METTL15: variants seen among roughly 807,000 people sequenced by gnomAD.
The protein encoded by METTL15 is methyltransferase 15, mitochondrial 12S rRNA N4-cytidine, also known as 12S rRNA N(4)-cytidine methyltransferase METTL15.
METTL15 carries 34 observed loss-of-function variants against 38.3 expected under a neutral mutation model. The ratio of observed to expected loss-of-function variants is 0.89; its 90% CI spans 0.68 to 1.18. METTL15 has a LOEUF of 1.18. Among genes scored for constraint, METTL15 ranks in the 50% most tolerant of loss-of-function variants. METTL15 has a pLI of 0.00. For missense variants in METTL15, 438 were observed against 498.4 expected (o/e 0.88, Z 1.15); for synonymous variants, 162 against 170.9 (o/e 0.95, Z 0.41).
intron 4 of METTL15, among the ~76,000 whole-genome samples, chr11:28,274,351 A>G (rs1225752676): frequency 1.3e-5 from 2 of 152,024 alleles, no homozygotes; most frequent in Non-Finnish European, 2.9e-5. Context: ...TTATGTAATA[A>G]CTACAGAGTT....
intron 4 of METTL15, among the ~76,000 whole-genome samples, chr11:28,221,496 A>G (rs545839809): frequency 6.6e-6 from 1 of 151,924 alleles, no homozygotes; most frequent in African/African-American, 2.4e-5. Flanking sequence ...CTTCTTTGCC[A>G]TGGGTTTGTA....
chr11:28,320,615 G>A (rs1017370901), intron 6 of METTL15, among the ~76,000 whole-genome samples: 10 of 152,008 alleles, frequency 6.6e-5, no homozygotes, highest in Admixed American at 2.6e-4. Context: ...ACTAGGCACA[G>A]GAGTAAGAAA....
chr11:28,377,855 T>C (rs1227063325), intron 5 of METTL15, among the ~76,000 whole-genome samples: 1 of 151,728 alleles, frequency 6.6e-6, no homozygotes, highest in Non-Finnish European at 1.5e-5. Context: ...CCTTTCTGTT[T>C]GTTAGTTTTC....
At chr11:28,518,131 T>C (rs1023423935) in intron 6 of METTL15, among the ~76,000 whole-genome samples, 2 of 151,812 alleles carry the variant, frequency 1.3e-5, no homozygotes, top group Non-Finnish European at 2.9e-5. Flanking sequence ...AATAGCAAAA[T>C]GAAAGCCAAA....
At chr11:28,156,377 G>T (rs1335059039) in intron 3 of METTL15, among the ~76,000 whole-genome samples, 1 of 152,078 alleles carries the variant, frequency 6.6e-6, no homozygotes, top group Non-Finnish European at 1.5e-5. Flanking sequence ...ATGTTTTTGA[G>T]ACTTCAACAT....
chr11:28,382,327 G>T (rs1269443366), intron 5 of METTL15, among the ~76,000 whole-genome samples: 1 of 152,168 alleles, frequency 6.6e-6, no homozygotes, highest in Non-Finnish European at 1.5e-5. Context: ...TCCACACTTT[G>T]TCTCTGGCTG....
At chr11:28,359,567 G>A (rs188885183) in intron 4 of METTL15, among the ~76,000 whole-genome samples, 5 of 151,972 alleles carry the variant, frequency 3.3e-5, no homozygotes, top group Admixed American at 3.3e-4. Context: ...CCTTTTCTCC[G>A]CAGCCTTGCC....
chr11:28,246,548 A>T (rs1198501957), intron 4 of METTL15, among the ~76,000 whole-genome samples: 1 of 152,168 alleles, frequency 6.6e-6, no homozygotes. Flanking sequence ...AATGTTAAAT[A>T]ATTAGAAAAG....
At chr11:28,491,534 G>T (rs537126457) in intron 6 of METTL15, among the ~76,000 whole-genome samples, 3 of 152,064 alleles carry the variant, frequency 2.0e-5, no homozygotes, top group Non-Finnish European at 4.4e-5. Context: ...CTGATAAACA[G>T]GGATGGGATT....
chr11:28,304,548 TCTA>T (rs983786370), intron 6 of METTL15, among the ~76,000 whole-genome samples: 2 of 152,074 alleles, frequency 1.3e-5, no homozygotes, highest in African/African-American at 4.8e-5. Flanking sequence ...AAACCCTGAC[TCTA>T]CTAAAACTAC....
At chr11:28,404,373 G>GT (rs1430259155) in intron 5 of METTL15, among the ~76,000 whole-genome samples, 3 of 152,048 alleles carry the variant, frequency 2.0e-5, no homozygotes, top group African/African-American at 7.2e-5. Context: ...ATTACTCACA[G>GT]TTCTAGAGGC....
intron 6 of METTL15, among the ~76,000 whole-genome samples, chr11:28,426,917 T>G (rs1347944841): frequency 2.0e-5 from 3 of 152,292 alleles, no homozygotes; most frequent in Admixed American, 2.0e-4. Flanking sequence ...ATAGGTTTTT[T>G]TTCTGTGTAG....
chr11:28,303,112 A>G (rs1856966944), intron 6 of METTL15, among the ~76,000 whole-genome samples: 1 of 152,136 alleles, frequency 6.6e-6, no homozygotes, highest in South Asian at 2.1e-4. Flanking sequence ...CCCATATTTT[A>G]TATTTGAGCT....
chr11:28,236,135 C>A (rs1001962207), intron 4 of METTL15, among the ~76,000 whole-genome samples: 2 of 152,070 alleles, frequency 1.3e-5, no homozygotes, highest in Non-Finnish European at 2.9e-5. Context: ...ATTGAACCAG[C>A]CTTGCATCCC....
At chr11:28,117,780 A>T (rs1385575008) in intron 3 of METTL15, among the ~76,000 whole-genome samples, 2 of 152,080 alleles carry the variant, frequency 1.3e-5, no homozygotes, top group African/African-American at 4.8e-5. Context: ...TATTCCCTTA[A>T]TCTTCAAGTA....
At chr11:28,188,434 T>A (rs548846953) in intron 3 of METTL15, among the ~76,000 whole-genome samples, 11 of 151,366 alleles carry the variant, frequency 7.3e-5, no homozygotes, top group African/African-American at 2.7e-4. Flanking sequence ...TTTACTGAAA[T>A]TTTATTGCTC....
intron 5 of METTL15, among the ~76,000 whole-genome samples, chr11:28,408,683 A>G (rs180881527): frequency 6.6e-6 from 1 of 152,322 alleles, no homozygotes; most frequent in East Asian, 1.9e-4. Flanking sequence ...AGCCCATGTA[A>G]TATTTTACTG....
chr11:28,207,295 T>A (rs1284827464), intron 3 of METTL15, among the ~76,000 whole-genome samples: 2 of 152,082 alleles, frequency 1.3e-5, no homozygotes, highest in Non-Finnish European at 2.9e-5. Context: ...CAATACCTAA[T>A]TTATTGAGAG....
intron 3 of METTL15, among the ~76,000 whole-genome samples, chr11:28,194,959 T>C (rs1193383047): frequency 6.6e-6 from 1 of 152,098 alleles, no homozygotes; most frequent in Non-Finnish European, 1.5e-5. Context: ...GTATTTGGTT[T>C]TCCATTCCGG....
Sources: allele counts gnomAD v4.1 joint callset (sites outside exome capture counted in the v4.1 genomes callset), GRCh38; gene constraint gnomAD v4.1.1; transcripts MANE v1.5; gene names NCBI Gene and HGNC (gene_info 2026-07-23, HGNC 2026-07-21).